Variants in HPCAL1 observed in about 807,000 individuals in gnomAD.
HPCAL1 encodes the protein hippocalcin like 1.
Under a neutral mutation model 17.1 loss-of-function variants are expected in HPCAL1, and 8 were observed. That is an observed-to-expected ratio of 0.47 (90% CI 0.27 to 0.84). The LOEUF (loss-of-function observed/expected upper bound fraction) is 0.84. Ranked by LOEUF, HPCAL1 falls within the 40% of genes least tolerant of loss-of-function variation. The pLI, the probability that HPCAL1 is intolerant of heterozygous loss-of-function variation, is 0.13. For synonymous variants in HPCAL1, 112 were observed against 111.4 expected, an observed-to-expected ratio of 1.01 and a Z score of -0.03; for missense variants, 165 against 271.1, an observed-to-expected ratio of 0.61 and a Z score of 2.75.
intron 1 of HPCAL1, among the ~76,000 whole-genome samples, chr2:10,334,244 G>A (rs116276348): frequency 0.022 from 3,412 of 152,326 alleles, 78 homozygotes; most frequent in South Asian, 0.13. Context: ...AGCTCTTCGG[G>A]AGGCTGAGGC....
At chr2:10,390,455 A>G (rs967910337) in intron 1 of HPCAL1, among the ~76,000 whole-genome samples, 1 of 152,202 alleles carries the variant, frequency 6.6e-6, no homozygotes, top group African/African-American at 2.4e-5. Flanking sequence ...TTTGAAAACC[A>G]GTCACCTCCA....
At chr2:10,322,695 G>A (rs1663740669) in intron 1 of HPCAL1, among the ~76,000 whole-genome samples, 1 of 152,240 alleles carries the variant, frequency 6.6e-6, no homozygotes, top group South Asian at 2.1e-4. Context: ...GCTGTTCTGT[G>A]GCCATGAGGT....
chr2:10,348,601 A>T (rs1572692884), intron 1 of HPCAL1, among the ~76,000 whole-genome samples: 1 of 17,490 alleles, frequency 5.7e-5, no homozygotes, highest in Admixed American at 7.3e-4. Context: ...CTGTCTCTAC[A>T]AAAAAAAAAA....
At chr2:10,400,699 A>G (rs1179417481) in intron 2 of HPCAL1, among the ~76,000 whole-genome samples, 1 of 152,164 alleles carries the variant, frequency 6.6e-6, no homozygotes, top group Non-Finnish European at 1.5e-5. Context: ...TCAGCCACGG[A>G]GGGCAGATCC....
At chr2:10,364,234 G>A (rs1198461526) in intron 1 of HPCAL1, among the ~76,000 whole-genome samples, 2 of 152,218 alleles carry the variant, frequency 1.3e-5, no homozygotes, top group East Asian at 1.9e-4. Context: ...GTGGGAGCTG[G>A]GCCCAGAGCC....
At chr2:10,308,668 G>A (rs1386525776) in intron 1 of HPCAL1, among the ~76,000 whole-genome samples, 1 of 152,172 alleles carries the variant, frequency 6.6e-6, no homozygotes, top group Admixed American at 6.5e-5. Flanking sequence ...ACCTGGCTCA[G>A]CACTGGCACC....
Position 10,322,862 on chromosome 2 carries a change from C to T in HPCAL1, c.-111+19685C>T, listed in dbSNP as rs189524742. Among the ~76,000 whole-genome samples the T allele has an allele frequency of 9.9e-4, 151 of 152,212 alleles. 1 individual carries two copies. Among genetic ancestry groups the T allele is most frequent in the African/African-American group, 3.2e-3 (131 of 41,460 alleles). Reference sequence around the variant, plus strand: ...TCTAAGCCACTCTTATCTAAGCCACCGCTTGTCACGTTTTATGTTGTTTGC... The same window carrying T: ...TCTAAGCCACTCTTATCTAAGCCACTGCTTGTCACGTTTTATGTTGTTTGC... On this transcript the variant is annotated intron_variant, in intron 1 of 4. Coordinates refer to ENST00000307845, the MANE Select transcript of HPCAL1 (RefSeq NM_002149.4).
chr2:10,422,390 C>T (rs570327469), intron 3 of HPCAL1, among the ~76,000 whole-genome samples: 23 of 152,338 alleles, frequency 1.5e-4, no homozygotes, highest in Admixed American at 1.4e-3. Context: ...CTCCTCTGTA[C>T]ACCCACCAGC....
rs1194851257 is a variant in HPCAL1, at chr2:10,367,357, G to A, written c.-110-29478G>A. 6.6e-6 allele frequency among the ~76,000 whole-genome samples: 1 copy of A among 151,598 alleles called. No individual in the cohort carries two copies. The highest frequency in any genetic ancestry group is 1.5e-5 in the Non-Finnish European group (1 of 67,928). On this transcript the variant is annotated intron_variant, in intron 1 of 4. Coordinates refer to ENST00000307845, the MANE Select transcript of HPCAL1 (RefSeq NM_002149.4). This position sits in a 1 kb window ranked among gnomAD's most constrained non-coding sequence, Gnocchi z 4.4. ...AGGCTAGAGTGCGAGCTCGATCATA[G>A]CTCACTGCAACCTCAAACTCCCAGG...
chr2:10,361,305 C>G (rs917509156), intron 1 of HPCAL1, among the ~76,000 whole-genome samples: 1 of 151,522 alleles, frequency 6.6e-6, no homozygotes, highest in Non-Finnish European at 1.5e-5. Flanking sequence ...ACTGTGGCCT[C>G]GTTGTCTAAT....
At position 10,365,178 on chromosome 2, in the gene HPCAL1, A is replaced by G. The variant is rs1666770073; in HGVS notation, c.-110-31657A>G. Among the ~76,000 whole-genome samples the G allele has an allele frequency of 6.6e-6, 1 of 152,140 alleles. No homozygotes were observed. The highest frequency in any genetic ancestry group is 2.4e-5 in the African/African-American group (1 of 41,432). On this transcript the variant is annotated intron_variant, in intron 1 of 4. Transcript: ENST00000307845. This position sits in a 1 kb window ranked among gnomAD's most constrained non-coding sequence, Gnocchi z 4.8. The stretch of plus-strand genomic sequence containing the variant: ...TGAACTTAGCCACCTCATGTACGGA[A>G]GGAGAAATGGAGGCCGCCAGAGAGG...
Position 10,310,052 on chromosome 2 carries a change from T to C in HPCAL1, c.-111+6875T>C, listed in dbSNP as rs565310773. Among the ~76,000 whole-genome samples, 9 of 152,306 alleles carry C rather than the reference T, an allele frequency of 5.9e-5. No individual in the cohort carries two copies. In the South Asian group the frequency reaches 1.9e-3, roughly 32 times the overall value. On this transcript the variant is annotated intron_variant, in intron 1 of 4. Coordinates refer to ENST00000307845, the MANE Select transcript of HPCAL1 (RefSeq NM_002149.4). This position sits in a 1 kb window ranked among gnomAD's most constrained non-coding sequence, Gnocchi z 4.5. ...TTGTAGTCTTTGCTCTGTTGTTTATTGGCTGGTGATGGTCTCTGAATCTGT... is the reference window on the plus strand; with the variant it reads ...TTGTAGTCTTTGCTCTGTTGTTTATCGGCTGGTGATGGTCTCTGAATCTGT...
At chr2:10,368,166 G>C (rs1239679024) in intron 1 of HPCAL1, among the ~76,000 whole-genome samples, 2 of 149,928 alleles carry the variant, frequency 1.3e-5, no homozygotes, top group Non-Finnish European at 3.0e-5. Context: ...GTGTGTGTGT[G>C]CATTGTGTGT....
intron 4 of HPCAL1, 36 bp from the exon 5 acceptor site, chr2:10,426,688 G>T (rs758905814): frequency 6.6e-7 from 1 of 1,517,372 alleles, no homozygotes; most frequent in African/African-American, 1.4e-5. Flanking sequence ...AGAACAGTGA[G>T]CACTGGCTAA....
intron 2 of HPCAL1, among the ~76,000 whole-genome samples, chr2:10,415,240 C>T (rs1670588701): frequency 6.6e-6 from 1 of 152,016 alleles, no homozygotes; most frequent in African/African-American, 2.4e-5. Flanking sequence ...GTGCCTCACG[C>T]TGCCTGGGAG....
In HPCAL1 at chr2:10,310,861, TC is replaced by T. The variant is rs1662911975; in HGVS notation, c.-111+7685del. On this transcript the variant is annotated intron_variant, in intron 1 of 4. Coordinates refer to ENST00000307845, the MANE Select transcript of HPCAL1 (RefSeq NM_002149.4). The surrounding 1 kb of genome is among the most constrained non-coding windows in gnomAD (Gnocchi z 4.5). ...AAAATGCTCAGCTCTCTGCCTTCTT[TC>T]TGTGCATTTAACAGACGTTTCCAGA... Among the ~76,000 whole-genome samples the T allele has an allele frequency of 6.6e-6, 1 of 152,204 alleles. No individual in the cohort carries two copies. Among genetic ancestry groups the T allele is most frequent in the Admixed American group, 6.5e-5 (1 of 15,290 alleles).
rs1468114615 is a variant in HPCAL1, at chr2:10,384,906, G to T, written c.-110-11929G>T. On this transcript the variant is annotated intron_variant, in intron 1 of 4. Coordinates refer to ENST00000307845, the MANE Select transcript of HPCAL1 (RefSeq NM_002149.4). The surrounding 1 kb of genome is among the most constrained non-coding windows in gnomAD (Gnocchi z 4.4). ...GGAGGCCGAGGTGGGTGGATCACAAGGTCAAGAGATGGAGACCATCCTGGC... is the reference window on the plus strand; with the variant it reads ...GGAGGCCGAGGTGGGTGGATCACAATGTCAAGAGATGGAGACCATCCTGGC... Among the ~76,000 whole-genome samples the T allele has an allele frequency of 6.6e-6, 1 of 152,118 alleles. No individual in the cohort carries two copies. The highest frequency in any genetic ancestry group is 6.5e-5 in the Admixed American group (1 of 15,286).
Position 10,419,817 on chromosome 2 carries a change from G to A in HPCAL1, c.60G>A (p.Thr20=), listed in dbSNP as rs778908511. ...PEVLQDLREN[T]EFTDHELQEW... ...TGCTGCAGGACCTGCGGGAGAACAC[G>A]GAGTTCACCGACCACGAGCTGCAGG... The change falls in exon 3 of 5, where the codon ACG becomes ACA. Residue 20 remains threonine, a synonymous_variant. Transcript: ENST00000307845. The surrounding 1 kb of genome is among the most constrained non-coding windows in gnomAD (Gnocchi z 5.0). 3 of 1,613,706 alleles carry A rather than the reference G, an allele frequency of 1.9e-6. No individual in the cohort carries two copies. In the South Asian group the frequency reaches 3.3e-5, roughly 18 times the overall value.
At chr2:10,415,554 G>A (rs916292421) in intron 2 of HPCAL1, among the ~76,000 whole-genome samples, 1 of 152,118 alleles carries the variant, frequency 6.6e-6, no homozygotes, top group African/African-American at 2.4e-5. Context: ...GTCGGCCCCC[G>A]AGGCAAGGAC....
Sources: allele counts gnomAD v4.1 joint callset (sites outside exome capture counted in the v4.1 genomes callset), GRCh38; gene constraint gnomAD v4.1.1; non-coding constraint Gnocchi (gnomAD v3.1); transcripts MANE v1.5; gene names NCBI Gene and HGNC (gene_info 2026-07-23, HGNC 2026-07-21).